SSH2: variants seen among roughly 807,000 people sequenced by gnomAD.
SSH2 encodes slingshot protein phosphatase 2.
A neutral mutation model predicts 135.2 loss-of-function variants in SSH2; 37 were observed. That is an observed-to-expected ratio of 0.27 (90% CI 0.21 to 0.36). SSH2 has a LOEUF of 0.36. SSH2 is among the 10% of genes least tolerant of loss of function. The pLI is 1.00. For missense variants in SSH2, 1,408 were observed against 1,765.3 expected, an observed-to-expected ratio of 0.80 and a Z score of 3.63; for synonymous variants, 628 against 646.2, an observed-to-expected ratio of 0.97 and a Z score of 0.43.
intron 14 of SSH2, among the ~76,000 whole-genome samples, chr17:29,638,619 C>T (rs536004001): frequency 7.1e-4 from 108 of 151,954 alleles, no homozygotes; most frequent in Middle Eastern, 3.4e-3. Context: ...TCAGAGCTCA[C>T]TGCAGCCTCA....
chr17:29,713,171 T>TA (rs1305560944), intron 3 of SSH2, among the ~76,000 whole-genome samples: 1 of 151,932 alleles, frequency 6.6e-6, no homozygotes, highest in African/African-American at 2.4e-5. Flanking sequence ...TCATCTCTAC[T>TA]AAAAATATAA....
intron 3 of SSH2, among the ~76,000 whole-genome samples, chr17:29,754,261 T>C (rs35776928): frequency 0.039 from 5,874 of 152,208 alleles, 173 homozygotes; most frequent in Non-Finnish European, 0.059. Flanking sequence ...GGGTAGCAAT[T>C]TGTGTTTTAC....
chr17:29,651,230 T>C (rs1156382471), intron 12 of SSH2, among the ~76,000 whole-genome samples: 1 of 152,236 alleles, frequency 6.6e-6, no homozygotes, highest in Admixed American at 6.5e-5. Context: ...ACTACTGACA[T>C]GTACCCCAAG....
At chr17:29,861,665 G>A (rs1264761064) in intron 1 of SSH2, among the ~76,000 whole-genome samples, 1 of 152,020 alleles carries the variant, frequency 6.6e-6, no homozygotes, top group Admixed American at 6.6e-5. Context: ...CCGGGTTCAA[G>A]AGATTCTCCT....
chr17:29,642,616 CAG>C (rs1555601327), intron 14 of SSH2, among the ~76,000 whole-genome samples: 2 of 151,044 alleles, frequency 1.3e-5, no homozygotes, highest in Non-Finnish European at 2.9e-5. Flanking sequence ...TCTATAAAAA[CAG>C]AAAAAATAAA....
chr17:29,731,462 TTTATTTA>T (rs869075405), intron 3 of SSH2, among the ~76,000 whole-genome samples: 1 of 147,046 alleles, frequency 6.8e-6, no homozygotes. Context: ...TATTTATTTA[TTTATTTA>T]TTTTGAGATG....
intron 8 of SSH2, chr17:29,676,435 C>CAA (rs35493002): frequency 4.6e-4 from 57 of 123,936 alleles, no homozygotes; most frequent in Middle Eastern, 4.4e-3. Flanking sequence ...GGCTTCGTCT[C>CAA]AAAAAAAAAA....
intron 2 of SSH2, among the ~76,000 whole-genome samples, chr17:29,825,142 T>C (rs532762180): frequency 4.1e-4 from 62 of 152,310 alleles, no homozygotes; most frequent in African/African-American, 1.4e-3. Context: ...CTACGGACAG[T>C]TTCTATTACT....
intron 2 of SSH2, among the ~76,000 whole-genome samples, chr17:29,802,964 G>A (rs966710955): frequency 2.0e-5 from 3 of 152,148 alleles, no homozygotes; most frequent in Non-Finnish European, 4.4e-5. Flanking sequence ...ACAGGAAAAA[G>A]GAATCTAGTA....
chr17:29,861,570 C>CT (rs138547768), intron 1 of SSH2, among the ~76,000 whole-genome samples: 61,946 of 148,284 alleles, frequency 0.42, 14,645 homozygotes, highest in East Asian at 0.69. Context: ...TAATCTTCTT[C>CT]TTTTTTTTTT....
At chr17:29,729,125 T>C (rs2040097350) in intron 3 of SSH2, among the ~76,000 whole-genome samples, 2 of 152,004 alleles carry the variant, frequency 1.3e-5, no homozygotes, top group South Asian at 4.2e-4. Flanking sequence ...AAAATATCTA[T>C]AAACTACCCA....
chr17:29,728,064 A>G (rs773168794), intron 3 of SSH2, among the ~76,000 whole-genome samples: 2 of 152,090 alleles, frequency 1.3e-5, no homozygotes, highest in Non-Finnish European at 2.9e-5. Flanking sequence ...TTCTGGCCTC[A>G]TGATACACCC....
chr17:29,791,042 T>C (rs1238587715), intron 3 of SSH2, among the ~76,000 whole-genome samples: 3 of 152,002 alleles, frequency 2.0e-5, no homozygotes, highest in Non-Finnish European at 2.9e-5. Context: ...AGATTATTTT[T>C]ATGACTTTGT....
chr17:29,903,704 G>A (rs2066602612), intron 1 of SSH2, among the ~76,000 whole-genome samples: 1 of 152,080 alleles, frequency 6.6e-6, no homozygotes, highest in African/African-American at 2.4e-5. Context: ...CCTAGGGGCT[G>A]AAGTACAAGA....
At chr17:29,760,759 C>T (rs986335494) in intron 3 of SSH2, among the ~76,000 whole-genome samples, 3 of 151,994 alleles carry the variant, frequency 2.0e-5, no homozygotes, top group African/African-American at 7.3e-5. Context: ...CGGAAAGCTG[C>T]TCACCAGCAG....
At chr17:29,899,335 A>G (rs1208151906) in intron 1 of SSH2, among the ~76,000 whole-genome samples, 2 of 152,142 alleles carry the variant, frequency 1.3e-5, no homozygotes, top group African/African-American at 4.8e-5. Context: ...GAGGAAGTCA[A>G]ATTGTCCCTG....
At chr17:29,836,860 G>A (rs1013497526) in intron 2 of SSH2, among the ~76,000 whole-genome samples, 1 of 152,172 alleles carries the variant, frequency 6.6e-6, no homozygotes, top group African/African-American at 2.4e-5. Flanking sequence ...CATGACATTT[G>A]TCTTAACCGG....
intron 3 of SSH2, among the ~76,000 whole-genome samples, chr17:29,736,865 C>T (rs1241247985): frequency 1.4e-5 from 2 of 138,938 alleles, no homozygotes; most frequent in Non-Finnish European, 3.0e-5. Flanking sequence ...TTTGGGAGGT[C>T]GAGGCAGGCA....
At chr17:29,898,911 C>T (rs1300364645) in intron 1 of SSH2, among the ~76,000 whole-genome samples, 1 of 152,112 alleles carries the variant, frequency 6.6e-6, no homozygotes, top group East Asian at 1.9e-4. Context: ...TCCAGCAGCA[C>T]ATCAAAAAGC....
Sources: allele counts gnomAD v4.1 joint callset (sites outside exome capture counted in the v4.1 genomes callset), GRCh38; gene constraint gnomAD v4.1.1; transcripts MANE v1.5; gene names NCBI Gene and HGNC (gene_info 2026-07-23, HGNC 2026-07-21).